The following ZNF578 variants were observed in gnomAD, a reference collection of about 807,000 sequenced individuals.
ZNF578 encodes Putative chemokine-related protein B42.
A neutral mutation model predicts 8.3 loss-of-function variants in ZNF578; 8 were observed. The observed-to-expected ratio is 0.96, with a 90% CI of 0.56 to 1.74. The LOEUF (loss-of-function observed/expected upper bound fraction) is 1.74, where lower values mean the gene tolerates loss of function less well. Among genes scored for constraint, ZNF578 ranks in the 40% most tolerant of loss-of-function variants. The pLI is 0.00. For missense variants in ZNF578, 726 were observed against 707.5 expected (o/e 1.03, Z -0.30); for synonymous variants, 206 against 232.2 (o/e 0.89, Z 1.03).
At chr19:52,492,738 C>G (rs1175140699) in intron 3 of ZNF578, 1 of 152,254 alleles carries the variant, frequency 6.6e-6, no homozygotes, top group African/African-American at 2.4e-5. Flanking sequence ...CTCTCCGCCT[C>G]GCGCTCCGAC....
chr19:52,507,592 A>G (rs755616875), intron 5 of ZNF578, among the ~76,000 whole-genome samples: 1 of 152,138 alleles, frequency 6.6e-6, no homozygotes, highest in Non-Finnish European at 1.5e-5. Context: ...ATAGAAATTT[A>G]TTTCTCATTA....
chr19:52,461,277 C>G (rs1011462191), intron 2 of ZNF578, among the ~76,000 whole-genome samples: 3 of 152,172 alleles, frequency 2.0e-5, no homozygotes, highest in Non-Finnish European at 4.4e-5. Context: ...AGAAGTATTT[C>G]CAATCACATT....
intron 3 of ZNF578, among the ~76,000 whole-genome samples, chr19:52,492,389 A>G (rs546056540): frequency 6.6e-6 from 1 of 152,110 alleles, no homozygotes. Flanking sequence ...CTGAGCACTC[A>G]GTCCCGCATC....
At chr19:52,482,203 TTG>T (rs1400010181) in intron 2 of ZNF578, among the ~76,000 whole-genome samples, 2 of 152,166 alleles carry the variant, frequency 1.3e-5, no homozygotes, top group Admixed American at 1.3e-4. Flanking sequence ...CCGGCTAATT[TTG>T]TGTCTTTAGT....
At chr19:52,483,433 A>G (rs2059334235) in intron 2 of ZNF578, among the ~76,000 whole-genome samples, 1 of 152,188 alleles carries the variant, frequency 6.6e-6, no homozygotes, top group Non-Finnish European at 1.5e-5. Context: ...ACGTAAATAA[A>G]TAATAAAAAT....
At chr19:52,481,569 A>C (rs575310330) in intron 2 of ZNF578, among the ~76,000 whole-genome samples, 44 of 152,304 alleles carry the variant, frequency 2.9e-4, no homozygotes, top group African/African-American at 1.0e-3. Context: ...ACAATCTATA[A>C]ATCTTGGCAT....
In ZNF578 at chr19:52,453,627, G is replaced by A. The variant is rs910701326; in HGVS notation, c.-213+20G>A. 1 of 152,484 alleles carries A rather than the reference G, an allele frequency of 6.6e-6. No homozygotes were observed. The highest frequency in any genetic ancestry group is 1.5e-5 in the Non-Finnish European group (1 of 68,180). 9.4% of individuals were successfully genotyped at this position (152,484 alleles called of 1,614,324 possible). On this transcript the variant is annotated intron_variant, in intron 1 of 5. Coordinates refer to ENST00000421239, the MANE Select transcript of ZNF578 (RefSeq NM_001099694.2). ...CAGCGGGTGAGTTTCCCTTTGTCTA[G>A]ATTAGATCCGCTTCCAGCGCTTCTG... is the stretch of plus-strand genomic sequence containing the variant.
At chr19:52,469,261 A>T (rs1414604131) in intron 2 of ZNF578, among the ~76,000 whole-genome samples, 1 of 146,494 alleles carries the variant, frequency 6.8e-6, no homozygotes, top group East Asian at 2.1e-4. Context: ...CTGAGGTTCA[A>T]GCCATCCTCC....
intron 2 of ZNF578, among the ~76,000 whole-genome samples, chr19:52,485,529 G>A (rs1036322287): frequency 9.9e-5 from 15 of 152,146 alleles, no homozygotes; most frequent in African/African-American, 3.6e-4. Flanking sequence ...GAGAGTTGAG[G>A]GGCTGTCCTG....
chr19:52,463,112 C>T (rs576310994), intron 2 of ZNF578, among the ~76,000 whole-genome samples: 233 of 152,214 alleles, frequency 1.5e-3, no homozygotes, highest in Non-Finnish European at 2.9e-3. Context: ...TTTTAAGGTT[C>T]GATTGGCTCG....
At chr19:52,467,847 A>G (rs2059280261) in intron 2 of ZNF578, among the ~76,000 whole-genome samples, 1 of 152,224 alleles carries the variant, frequency 6.6e-6, no homozygotes, top group Non-Finnish European at 1.5e-5. Context: ...AAAAAAAGAT[A>G]GAATGCCTAA....
intron 3 of ZNF578, chr19:52,492,863 T>G (rs969016652): frequency 6.6e-6 from 1 of 152,224 alleles, no homozygotes; most frequent in African/African-American, 2.4e-5. Flanking sequence ...TACCGCGGCA[T>G]GTGAGTTTCG....
intron 2 of ZNF578, among the ~76,000 whole-genome samples, chr19:52,489,207 A>G (rs1417264217): frequency 1.3e-5 from 2 of 151,788 alleles, no homozygotes; most frequent in East Asian, 3.9e-4. Context: ...GAATCATGCC[A>G]CAATAGTGCA....
At chr19:52,485,319 C>A (rs2059341131) in intron 2 of ZNF578, among the ~76,000 whole-genome samples, 1 of 152,190 alleles carries the variant, frequency 6.6e-6, no homozygotes, top group Non-Finnish European at 1.5e-5. Context: ...GGAGCTCAAC[C>A]CTGGCTTCAC....
At chr19:52,463,134 C>G (rs2059263992) in intron 2 of ZNF578, among the ~76,000 whole-genome samples, 1 of 152,186 alleles carries the variant, frequency 6.6e-6, no homozygotes, top group East Asian at 1.9e-4. Flanking sequence ...TCAACAATCA[C>G]TTGCCCTTGA....
At chr19:52,486,674 C>T (rs919079336) in intron 2 of ZNF578, among the ~76,000 whole-genome samples, 4 of 151,772 alleles carry the variant, frequency 2.6e-5, no homozygotes, top group Non-Finnish European at 4.4e-5. Flanking sequence ...AGAAACACAG[C>T]AGGGAGGACA....
intron 2 of ZNF578, chr19:52,474,308 T>G (rs988614071): frequency 6.1e-5 from 18 of 296,296 alleles, no homozygotes; most frequent in African/African-American, 4.0e-4. Flanking sequence ...TTTGCCACAT[T>G]CATTACATTT....
At chr19:52,499,288 A>G (rs2059398204) in intron 3 of ZNF578, among the ~76,000 whole-genome samples, 1 of 152,206 alleles carries the variant, frequency 6.6e-6, no homozygotes, top group African/African-American at 2.4e-5. Context: ...CCAGTTCTCC[A>G]AGATGAGCAA....
At chr19:52,467,685 T>G (rs2059279775) in intron 2 of ZNF578, among the ~76,000 whole-genome samples, 1 of 152,022 alleles carries the variant, frequency 6.6e-6, no homozygotes, top group African/African-American at 2.4e-5. Context: ...TCAAAGGCAC[T>G]CAAATGGAGA....
Sources: gnomAD v4.1 joint callset for allele counts (sites outside exome capture counted in the v4.1 genomes callset) on GRCh38, gnomAD v4.1.1 for gene constraint, MANE v1.5 for transcripts, NCBI Gene and HGNC (gene_info 2026-07-23, HGNC 2026-07-21) for gene names.